CDKAL1: variants seen among roughly 807,000 people sequenced by gnomAD.
CDKAL1 encodes the protein threonylcarbamoyladenosine tRNA methylthiotransferase.
In CDKAL1, 32 loss-of-function variants were observed where a neutral mutation model predicts 68.2. The observed-to-expected ratio is 0.47, with a 90% CI of 0.35 to 0.63. CDKAL1 has a LOEUF of 0.63. Ranked by LOEUF, CDKAL1 falls within the 30% of genes least tolerant of loss-of-function variation. CDKAL1 has a pLI of 0.00. For missense variants in CDKAL1, 606 were observed against 696.7 expected, an observed-to-expected ratio of 0.87 and a Z score of 1.47; for synonymous variants, 234 against 244.3, an observed-to-expected ratio of 0.96 and a Z score of 0.39.
At chr6:20,742,084 T>C (rs1773483485) in intron 6 of CDKAL1, among the ~76,000 whole-genome samples, 2 of 152,234 alleles carry the variant, frequency 1.3e-5, no homozygotes, top group Non-Finnish European at 2.9e-5. Context: ...TTTTTTCATA[T>C]GCTTGTTAGC....
intron 15 of CDKAL1, among the ~76,000 whole-genome samples, chr6:21,228,021 T>G (rs1396010659): frequency 6.6e-6 from 1 of 152,178 alleles, no homozygotes; most frequent in African/African-American, 2.4e-5. Flanking sequence ...CACCTAGTCC[T>G]TCCCCAGGTC....
chr6:21,060,452 C>T (rs1771080799), intron 11 of CDKAL1, among the ~76,000 whole-genome samples: 2 of 152,086 alleles, frequency 1.3e-5, no homozygotes, highest in South Asian at 2.1e-4. Context: ...CTAACTAGTA[C>T]ATTACTAATT....
intron 4 of CDKAL1, among the ~76,000 whole-genome samples, chr6:20,609,718 T>C (rs576816792): frequency 6.6e-6 from 1 of 151,998 alleles, no homozygotes; most frequent in Admixed American, 6.6e-5. Context: ...TTCTGCTAAA[T>C]GAAGCATGGT....
chr6:21,090,805 CTTTTT>C (rs67647227), intron 12 of CDKAL1, among the ~76,000 whole-genome samples: 1 of 132,614 alleles, frequency 7.5e-6, no homozygotes, highest in Non-Finnish European at 1.6e-5. Context: ...TTTCTTTTTT[CTTTTT>C]TTTTTTTTTT....
intron 9 of CDKAL1, among the ~76,000 whole-genome samples, chr6:20,929,473 A>T (rs1290693817): frequency 1.3e-5 from 2 of 152,216 alleles, no homozygotes; most frequent in Admixed American, 6.5e-5. Flanking sequence ...TAAGACAGGG[A>T]TGTTTGGACA....
At chr6:20,622,099 T>C (rs2127733879) in intron 4 of CDKAL1, among the ~76,000 whole-genome samples, 1 of 152,270 alleles carries the variant, frequency 6.6e-6, no homozygotes, top group African/African-American at 2.4e-5. Flanking sequence ...CAACTCCTAA[T>C]ATTTAAGTGA....
intron 10 of CDKAL1, among the ~76,000 whole-genome samples, chr6:20,965,543 C>T (rs1486415597): frequency 6.6e-6 from 1 of 152,144 alleles, no homozygotes; most frequent in East Asian, 1.9e-4. Context: ...ATAAAGATCT[C>T]TCTCACTCTA....
At chr6:20,948,087 A>G (rs1764342457) in intron 9 of CDKAL1, among the ~76,000 whole-genome samples, 1 of 147,496 alleles carries the variant, frequency 6.8e-6, no homozygotes, top group Non-Finnish European at 1.5e-5. Flanking sequence ...GTGCAATCAT[A>G]GCTCACTGTA....
intron 9 of CDKAL1, among the ~76,000 whole-genome samples, chr6:20,908,596 TA>T (rs572817256): frequency 1.3e-5 from 2 of 152,206 alleles, no homozygotes; most frequent in Admixed American, 6.5e-5. Flanking sequence ...TTATAAAAAT[TA>T]AAAAAATACG....
chr6:20,743,140 G>C (rs1773528880), intron 6 of CDKAL1, among the ~76,000 whole-genome samples: 1 of 152,058 alleles, frequency 6.6e-6, no homozygotes, highest in South Asian at 2.1e-4. Flanking sequence ...TCAGTGACTT[G>C]GGAAACTATT....
Position 20,758,663 on chromosome 6 carries a change from TA to T in CDKAL1, c.517+23del. 1 of 1,581,932 alleles carries T rather than the reference TA, an allele frequency of 6.3e-7. No homozygotes were observed. Among genetic ancestry groups the T allele is most frequent in the Non-Finnish European group, 8.7e-7 (1 of 1,154,382 alleles). On this transcript the variant is annotated intron_variant, in intron 7 of 15. Transcript: ENST00000274695. ...TTAAAGGTAATCGTTGAAAGTGAGA[TA>T]AACAGATGTATATATTTTCTGAACT...
At chr6:21,142,744 A>G (rs1489471015) in intron 13 of CDKAL1, among the ~76,000 whole-genome samples, 1 of 152,248 alleles carries the variant, frequency 6.6e-6, no homozygotes, top group African/African-American at 2.4e-5. Flanking sequence ...AGCCTTAAAG[A>G]GTAAATATGA....
intron 5 of CDKAL1, among the ~76,000 whole-genome samples, chr6:20,676,665 T>TTTAAATAAATAAA (rs1235184958): frequency 7.5e-6 from 1 of 132,864 alleles, no homozygotes; most frequent in African/African-American, 3.3e-5. Flanking sequence ...AGACTCTGTC[T>TTTAAATAAATAAA]TAAATAAATA....
intron 13 of CDKAL1, among the ~76,000 whole-genome samples, chr6:21,143,630 G>A (rs891486341): frequency 2.0e-5 from 3 of 152,074 alleles, no homozygotes; most frequent in African/African-American, 7.2e-5. Context: ...TAGTGTGTTT[G>A]TAACACCCAA....
chr6:20,698,650 G>A (rs186745539), intron 5 of CDKAL1, among the ~76,000 whole-genome samples: 1 of 152,260 alleles, frequency 6.6e-6, no homozygotes, highest in Non-Finnish European at 1.5e-5. Context: ...GAAGGCCACG[G>A]TGGTGAAGTG....
chr6:20,913,158 C>CACACACACACACAT lies in CDKAL1; in HGVS notation c.743-42260_743-42259insCACACACACACATA, dbSNP rs1229681370. On this transcript the variant is annotated intron_variant, in intron 9 of 15. Transcript: ENST00000274695. Reference sequence around the variant, plus strand: ...ACACACACACACACACACACACACACATTACCACAAATGTAGAAGCTTAAA... The same window carrying CACACACACACACAT: ...ACACACACACACACACACACACACACACACACACACACATATTACCACAAATGTAGAAGCTTAAA... Among the ~76,000 whole-genome samples, 401 of 145,776 alleles carry CACACACACACACAT rather than the reference C, an allele frequency of 2.8e-3. 6 individuals are homozygous for CACACACACACACAT. Among genetic ancestry groups the CACACACACACACAT allele is most frequent in the African/African-American group, 9.9e-3 (373 of 37,814 alleles).
intron 11 of CDKAL1, among the ~76,000 whole-genome samples, chr6:21,060,207 T>C (rs1771070859): frequency 6.6e-6 from 1 of 152,246 alleles, no homozygotes; most frequent in Non-Finnish European, 1.5e-5. Context: ...GGCAAGATTT[T>C]AAATTACAAG....
intron 2 of CDKAL1, among the ~76,000 whole-genome samples, chr6:20,545,094 G>C (rs907796673): frequency 1.3e-5 from 2 of 151,828 alleles, no homozygotes; most frequent in Non-Finnish European, 2.9e-5. Context: ...GCTTTTATTG[G>C]GGGGTTTTAT....
At chr6:21,055,328 T>C (rs1197908535) in intron 11 of CDKAL1, among the ~76,000 whole-genome samples, 1 of 152,214 alleles carries the variant, frequency 6.6e-6, no homozygotes, top group Non-Finnish European at 1.5e-5. Flanking sequence ...TTAATTCTAA[T>C]CTCTTCCTCT....
Sources: gnomAD v4.1 joint callset for allele counts (sites outside exome capture counted in the v4.1 genomes callset) on GRCh38, gnomAD v4.1.1 for gene constraint, MANE v1.5 for transcripts, NCBI Gene and HGNC (gene_info 2026-07-23, HGNC 2026-07-21) for gene names.